The following COL19A1 variants were observed in gnomAD, a reference collection of about 807,000 sequenced individuals.
COL19A1 encodes the protein collagen alpha-1(XIX) chain.
A neutral mutation model predicts 190.2 loss-of-function variants in COL19A1; 159 were observed. The observed-to-expected ratio is 0.84, with a 90% CI of 0.73 to 0.95. The LOEUF (loss-of-function observed/expected upper bound fraction) is 0.95, where lower values mean the gene tolerates loss of function less well. Among genes scored for constraint, COL19A1 ranks in the 40% least tolerant of loss-of-function variants. The probability of loss-of-function intolerance (pLI) is 0.00; values close to 1 mark genes in which losing one functional copy is unlikely to be tolerated. For synonymous variants in COL19A1, 509 were observed against 458.9 expected, an observed-to-expected ratio of 1.11 and a Z score of -1.39; for missense variants, 1,418 against 1,431.9, an observed-to-expected ratio of 0.99 and a Z score of 0.16.
chr6:70,075,280 A>G (rs538379986), intron 15 of COL19A1, among the ~76,000 whole-genome samples: 46 of 152,342 alleles, frequency 3.0e-4, no homozygotes, highest in Non-Finnish European at 4.9e-4. Context: ...TTACAAAACC[A>G]AATATGAAAC....
chr6:70,089,771 A>G (rs938349355), intron 15 of COL19A1, among the ~76,000 whole-genome samples: 5 of 152,158 alleles, frequency 3.3e-5, no homozygotes, highest in African/African-American at 9.7e-5. Context: ...AATTATTAAT[A>G]TCCTTTTATA....
chr6:69,958,561 T>C (rs1045247415), intron 9 of COL19A1, among the ~76,000 whole-genome samples: 1 of 152,224 alleles, frequency 6.6e-6, no homozygotes, highest in African/African-American at 2.4e-5. Flanking sequence ...TAGAAATGTA[T>C]TTATTATATA....
intron 11 of COL19A1, among the ~76,000 whole-genome samples, chr6:69,993,435 A>G (rs917719044): frequency 6.6e-6 from 1 of 152,156 alleles, no homozygotes; most frequent in Non-Finnish European, 1.5e-5. Context: ...AATTGTATCT[A>G]TGCCAGGTTT....
At chr6:69,897,465 AC>A in intron 2 of COL19A1, among the ~76,000 whole-genome samples, 1 of 109,932 alleles carries the variant, frequency 9.1e-6, no homozygotes, top group East Asian at 1.9e-4. Flanking sequence ...TTTTACACAC[AC>A]ACACACACAC....
intron 15 of COL19A1, among the ~76,000 whole-genome samples, chr6:70,081,754 A>G (rs1782269235): frequency 6.6e-6 from 1 of 152,190 alleles, no homozygotes; most frequent in Admixed American, 6.5e-5. Flanking sequence ...TTTTATCAAA[A>G]ATATTAGGAT....
intron 40 of COL19A1, among the ~76,000 whole-genome samples, chr6:70,170,174 A>G (rs1385415332): frequency 6.6e-6 from 1 of 152,176 alleles, no homozygotes; most frequent in African/African-American, 2.4e-5. Flanking sequence ...CATTTAGTGT[A>G]CACATTCAGC....
intron 11 of COL19A1, among the ~76,000 whole-genome samples, chr6:69,993,048 T>C (rs1044000065): frequency 6.6e-6 from 1 of 152,170 alleles, no homozygotes; most frequent in South Asian, 2.1e-4. Context: ...TCAAGGAGAA[T>C]GCTTCCAGCT....
intron 11 of COL19A1, among the ~76,000 whole-genome samples, chr6:70,016,956 A>G (rs1320336101): frequency 6.6e-6 from 1 of 152,128 alleles, no homozygotes; most frequent in Non-Finnish European, 1.5e-5. Context: ...AATTTCCTAG[A>G]AAGTTAAACA....
chr6:70,059,891 GATAGGC>G (rs1780722605), intron 14 of COL19A1: 1 of 366,204 alleles, frequency 2.7e-6, no homozygotes, highest in Admixed American at 3.9e-5. Context: ...AGAAAACATT[GATAGGC>G]ATTTTTCATC....
intron 18 of COL19A1, among the ~76,000 whole-genome samples, chr6:70,136,467 A>G (rs1356216825): frequency 6.6e-6 from 1 of 152,216 alleles, no homozygotes; most frequent in African/African-American, 2.4e-5. Context: ...TGAATGAATG[A>G]GATCATATGT....
chr6:70,146,596 A>G (rs1786664163), intron 25 of COL19A1, 63 bp from the exon 26 acceptor site: 1 of 1,247,264 alleles, frequency 8.0e-7, no homozygotes, highest in Non-Finnish European at 1.1e-6. Context: ...TTTTAGTTAT[A>G]ACTTCTAATG....
intron 48 of COL19A1, among the ~76,000 whole-genome samples, chr6:70,193,111 A>G (rs1231537269): frequency 1.3e-5 from 2 of 152,022 alleles, no homozygotes; most frequent in Non-Finnish European, 2.9e-5. Context: ...GAAAAAAAAA[A>G]AAGTGACATG....
chr6:69,937,047 G>T, intron 8 of COL19A1, 137 bp downstream of exon 8: 2 of 1,245,538 alleles, frequency 1.6e-6, no homozygotes, highest in Non-Finnish European at 2.2e-6. Flanking sequence ...ACTGGGGTGG[G>T]TTAAGAAAAA....
chr6:70,036,244 A>C (rs948208577), intron 14 of COL19A1, among the ~76,000 whole-genome samples: 3 of 152,220 alleles, frequency 2.0e-5, no homozygotes, highest in Non-Finnish European at 4.4e-5. Context: ...TGCACTCTTA[A>C]CATCAGGTTT....
At chr6:70,135,910 G>A (rs1441084351) in intron 18 of COL19A1, among the ~76,000 whole-genome samples, 1 of 152,122 alleles carries the variant, frequency 6.6e-6, no homozygotes, top group Non-Finnish European at 1.5e-5. Context: ...GTTCCACCCA[G>A]GGGGTGGAAT....
intron 48 of COL19A1, among the ~76,000 whole-genome samples, chr6:70,193,406 C>T (rs566751799): frequency 6.6e-6 from 1 of 152,270 alleles, no homozygotes; most frequent in Non-Finnish European, 1.5e-5. Flanking sequence ...TGGATCCTTC[C>T]TCTCTGAGTT....
At chr6:70,176,400 T>C in intron 41 of COL19A1, 120 bp from the exon 42 acceptor site, 1 of 968,082 alleles carries the variant, frequency 1.0e-6, no homozygotes, top group South Asian at 1.9e-5. Context: ...CTAATATCAA[T>C]AACACTTATC....
intron 15 of COL19A1, among the ~76,000 whole-genome samples, chr6:70,090,322 C>A (rs1350837992): frequency 6.6e-6 from 1 of 152,108 alleles, no homozygotes; most frequent in Non-Finnish European, 1.5e-5. Context: ...TCTTACTGAA[C>A]ATGTACAGAC....
chr6:69,941,819 G>A (rs144189202), intron 9 of COL19A1, among the ~76,000 whole-genome samples: 38 of 151,956 alleles, frequency 2.5e-4, no homozygotes, highest in Middle Eastern at 6.8e-3. Flanking sequence ...CTCCTGAGTA[G>A]TTGAGATTAC....
Sources: gnomAD v4.1 joint callset for allele counts (sites outside exome capture counted in the v4.1 genomes callset) on GRCh38, gnomAD v4.1.1 for gene constraint, MANE v1.5 for transcripts, NCBI Gene and HGNC (gene_info 2026-07-23, HGNC 2026-07-21) for gene names.